The following CADM1 variants were observed in gnomAD, a reference collection of about 807,000 sequenced individuals.
CADM1 encodes cell adhesion molecule 1.
A neutral mutation model predicts 53.1 loss-of-function variants in CADM1; 15 were observed. That is an observed-to-expected ratio of 0.28 (90% CI 0.19 to 0.44). CADM1 has a LOEUF of 0.44. Among genes scored for constraint, CADM1 ranks in the 20% least tolerant of loss-of-function variants. The pLI is 1.00. For synonymous variants in CADM1, 281 were observed against 243.0 expected, an observed-to-expected ratio of 1.16 and a Z score of -1.45; for missense variants, 434 against 611.3, an observed-to-expected ratio of 0.71 and a Z score of 3.06.
intron 1 of CADM1, among the ~76,000 whole-genome samples, chr11:115,412,923 A>G (rs1450252110): frequency 1.3e-5 from 2 of 152,214 alleles, no homozygotes; most frequent in Non-Finnish European, 2.9e-5. Context: ...ATTACTGTTC[A>G]TCTGTCACCA....
intron 1 of CADM1, among the ~76,000 whole-genome samples, chr11:115,427,932 T>C (rs75327040): frequency 0.013 from 1,734 of 137,404 alleles, 41 homozygotes; most frequent in African/African-American, 0.044. Flanking sequence ...CTTAAGCCCA[T>C]GAGGCGGAGC....
intron 1 of CADM1, among the ~76,000 whole-genome samples, chr11:115,416,229 C>T (rs1947593148): frequency 6.6e-6 from 1 of 152,152 alleles, no homozygotes; most frequent in Non-Finnish European, 1.5e-5. Flanking sequence ...TAATCAAAGA[C>T]ATATTTTTGT....
intron 1 of CADM1, among the ~76,000 whole-genome samples, chr11:115,351,859 C>T (rs1231153774): frequency 6.6e-6 from 1 of 152,068 alleles, no homozygotes; most frequent in Non-Finnish European, 1.5e-5. Context: ...ATGAAGTAGG[C>T]AAGACAAAGA....
chr11:115,355,961 T>C (rs1039103458), intron 1 of CADM1, among the ~76,000 whole-genome samples: 7 of 152,130 alleles, frequency 4.6e-5, no homozygotes, highest in African/African-American at 1.2e-4. Flanking sequence ...GCTTCCTGAG[T>C]AGCTGGGATT....
At chr11:115,370,276 C>T (rs1472226148) in intron 1 of CADM1, among the ~76,000 whole-genome samples, 1 of 152,104 alleles carries the variant, frequency 6.6e-6, no homozygotes, top group Non-Finnish European at 1.5e-5. Context: ...ACAAACTACA[C>T]AAGTTATAAG....
At chr11:115,390,006 A>G (rs1946794401) in intron 1 of CADM1, among the ~76,000 whole-genome samples, 1 of 152,146 alleles carries the variant, frequency 6.6e-6, no homozygotes, top group South Asian at 2.1e-4. Flanking sequence ...ATACTAGGAG[A>G]CAGTCGTAAG....
rs148580636 is a variant in CADM1, at chr11:115,457,996, G to A, written c.124+46275C>T. Among the ~76,000 whole-genome samples the A allele has an allele frequency of 5.3e-5, 8 of 152,176 alleles. No homozygotes were observed. The East Asian group carries it at 1.4e-3, about 26-fold the overall frequency. ...CAGGAAATTGAACTAGAGACCTTTT[G>A]CATCCAAGAGCAGCATGACTACCTG... On this transcript the variant is annotated intron_variant, in intron 1 of 11. Coordinates refer to ENST00000331581, the MANE Select transcript of CADM1 (RefSeq NM_001301043.2).
At chr11:115,237,016 C>A (rs755646451) in intron 3 of CADM1, among the ~76,000 whole-genome samples, 3 of 152,136 alleles carry the variant, frequency 2.0e-5, no homozygotes, top group Non-Finnish European at 4.4e-5. Context: ...TATTTTATGA[C>A]TGTCACTTTT....
rs7932146 is a variant in CADM1, at chr11:115,372,812, A to G, written c.124+131459T>C. On this transcript the variant is annotated intron_variant, in intron 1 of 11. Transcript: ENST00000331581. ...CAAATTTTAGAACTCTGAATGCAGA[A>G]ACAAGAACAAGGAAAACACTGGAAC... 2.0e-3 allele frequency among the ~76,000 whole-genome samples: 308 copies of G among 152,298 alleles called. 2 individuals are homozygous for G. Among genetic ancestry groups the G allele is most frequent in the African/African-American group, 7.1e-3 (296 of 41,576 alleles).
intron 5 of CADM1, among the ~76,000 whole-genome samples, chr11:115,227,597 T>C (rs190685523): frequency 8.5e-4 from 129 of 152,352 alleles, no homozygotes; most frequent in African/African-American, 3.0e-3. Flanking sequence ...TATCTGCTAA[T>C]TTAGATAATA....
At chr11:115,295,513 T>TATAC (rs1944032117) in intron 1 of CADM1, among the ~76,000 whole-genome samples, 1 of 38,652 alleles carries the variant, frequency 2.6e-5, no homozygotes, top group Non-Finnish European at 4.1e-5. Flanking sequence ...ATTTTATATA[T>TATAC]ATATATATAT....
At chr11:115,230,996 G>A (rs897982089) in intron 4 of CADM1, among the ~76,000 whole-genome samples, 2 of 152,098 alleles carry the variant, frequency 1.3e-5, no homozygotes, top group Non-Finnish European at 2.9e-5. Context: ...CAAAAGACAG[G>A]GTAAAAGCAA....
intron 9 of CADM1, among the ~76,000 whole-genome samples, chr11:115,196,565 T>G (rs1249874077): frequency 1.0e-5 from 1 of 96,146 alleles, no homozygotes; most frequent in Non-Finnish European, 2.0e-5. Context: ...GGCCACACAT[T>G]AAATACACTA....
intron 1 of CADM1, among the ~76,000 whole-genome samples, chr11:115,429,936 G>A (rs1591226718): frequency 6.6e-6 from 1 of 152,208 alleles, no homozygotes; most frequent in East Asian, 1.9e-4. Context: ...TTACAAATAA[G>A]ATGAGGGCGT....
rs774978013 is a variant in CADM1, at chr11:115,263,856, A to G, written c.125-23436T>C. Among the ~76,000 whole-genome samples, 62 of 152,346 alleles carry G rather than the reference A, an allele frequency of 4.1e-4. 1 individual carries two copies. The highest frequency in any genetic ancestry group is 6.8e-3 in the Middle Eastern group (2 of 294). On this transcript the variant is annotated intron_variant, in intron 1 of 11. Transcript: ENST00000331581. ...TTTATGACAAGATTTTTAGGAAAAGATAGAGGAATAGTAGTACGTTGTTTC... is the reference window on the plus strand; with the variant it reads ...TTTATGACAAGATTTTTAGGAAAAGGTAGAGGAATAGTAGTACGTTGTTTC...
intron 1 of CADM1, among the ~76,000 whole-genome samples, chr11:115,430,869 C>T (rs921222019): frequency 6.6e-6 from 1 of 151,956 alleles, no homozygotes; most frequent in Non-Finnish European, 1.5e-5. Context: ...AACTCATTTT[C>T]GATATGAGAA....
At chr11:115,315,529 T>C (rs1444991188) in intron 1 of CADM1, among the ~76,000 whole-genome samples, 1 of 152,124 alleles carries the variant, frequency 6.6e-6, no homozygotes, top group Non-Finnish European at 1.5e-5. Flanking sequence ...AACTTTTTTT[T>C]CCCCTCTCAT....
At position 115,353,185 on chromosome 11, in the gene CADM1, T is replaced by C. The variant is rs1048732917; in HGVS notation, c.125-112765A>G. On this transcript the variant is annotated intron_variant, in intron 1 of 11. Coordinates refer to ENST00000331581, the MANE Select transcript of CADM1 (RefSeq NM_001301043.2). ...GGAAATGGGTACAGACAGGATTTCTTTTAACTGGCATGAGTGGACACATTA... is the reference window on the plus strand; with the variant it reads ...GGAAATGGGTACAGACAGGATTTCTCTTAACTGGCATGAGTGGACACATTA... 2.0e-5 allele frequency among the ~76,000 whole-genome samples: 3 copies of C among 152,212 alleles called. No homozygotes were observed. The East Asian group carries it at 5.8e-4, about 29-fold the overall frequency.
chr11:115,326,269 A>C (rs1044804961), intron 1 of CADM1, among the ~76,000 whole-genome samples: 25 of 152,204 alleles, frequency 1.6e-4, no homozygotes, highest in African/African-American at 5.8e-4. Flanking sequence ...AAATTAATTA[A>C]CTTAAAATTA....
Sources: gnomAD v4.1 joint callset for allele counts (sites outside exome capture counted in the v4.1 genomes callset) on GRCh38, gnomAD v4.1.1 for gene constraint, MANE v1.5 for transcripts, NCBI Gene and HGNC (gene_info 2026-07-23, HGNC 2026-07-21) for gene names.